The following PDE1C variants were observed in gnomAD, a reference collection of about 807,000 sequenced individuals.
PDE1C encodes the protein phosphodiesterase 1C.
In PDE1C, 62 loss-of-function variants were observed where a neutral mutation model predicts 93.1. The observed-to-expected ratio is 0.67, with a 90% confidence interval of 0.54 to 0.82. The LOEUF (loss-of-function observed/expected upper bound fraction) is 0.82, where lower values mean the gene tolerates loss of function less well. Ranked by LOEUF, PDE1C falls within the 40% of genes least tolerant of loss-of-function variation. The pLI, the probability that PDE1C is intolerant of heterozygous loss-of-function variation, is 0.00. For missense variants in PDE1C, 742 were observed against 884.6 expected (o/e 0.84, Z 2.04); for synonymous variants, 325 against 310.1 (o/e 1.05, Z -0.50).
chr7:32,395,493 G>A (rs902432152), intron 1 of PDE1C, among the ~76,000 whole-genome samples: 3 of 152,176 alleles, frequency 2.0e-5, no homozygotes, highest in Non-Finnish European at 2.9e-5. Context: ...GTGGTGAGGT[G>A]GGGGGTAGTG....
In PDE1C at chr7:31,776,586, A is replaced by G. The variant is rs551272788; in HGVS notation, c.1892-854T>C. 3.9e-5 allele frequency among the ~76,000 whole-genome samples: 6 copies of G among 152,300 alleles called. No homozygotes were observed. The East Asian group carries it at 1.2e-3, about 29-fold the overall frequency. ...AATTTTACATTTTTTGTATATATGTATGTGGGTGTGTACGTATATACATAC... is the reference window on the plus strand; with the variant it reads ...AATTTTACATTTTTTGTATATATGTGTGTGGGTGTGTACGTATATACATAC... On this transcript the variant is annotated intron_variant, in intron 16 of 17. Coordinates refer to ENST00000396191, the MANE Select transcript of PDE1C (RefSeq NM_001191057.4).
rs1266549685 is a variant in PDE1C, at chr7:32,070,220, G to T, written c.101+73C>A. ...CCATGCAGGAACAGGGTGAGCAGTC[G>T]TGACTGCGGCTGTGTGGTAAAATAA... On this transcript the variant is annotated intron_variant, in intron 1 of 17. Coordinates refer to ENST00000396191, the MANE Select transcript of PDE1C (RefSeq NM_001191057.4). The T allele has an allele frequency of 1.7e-5, 28 of 1,602,250 alleles. No individual in the cohort carries two copies. In the South Asian group the frequency reaches 3.2e-4, roughly 18 times the overall value.
At position 32,173,053 on chromosome 7, in the gene PDE1C, T is replaced by C. The variant is rs1802757685; in HGVS notation, c.137-3097A>G. Among the ~76,000 whole-genome samples the C allele has an allele frequency of 5.9e-5, 9 of 152,226 alleles. 1 individual carries two copies. The highest frequency in any genetic ancestry group is 5.9e-4 in the Admixed American group (9 of 15,284). Reference sequence around the variant, plus strand: ...TAAATCATTCTACTATATAGACACATGCACACATATGTTTATTGCAGCACT... The same window carrying C: ...TAAATCATTCTACTATATAGACACACGCACACATATGTTTATTGCAGCACT... On this transcript the variant is annotated intron_variant, in intron 2 of 18. Coordinates refer to the PDE1C transcript ENST00000396193.
intron 2 of PDE1C, among the ~76,000 whole-genome samples, chr7:32,182,184 G>C (rs1254514562): frequency 6.6e-6 from 1 of 152,168 alleles, no homozygotes; most frequent in Non-Finnish European, 1.5e-5. Flanking sequence ...AAAAATTCCA[G>C]GACCAGATGG....
intron 1 of PDE1C, among the ~76,000 whole-genome samples, chr7:32,255,172 T>C (rs1030544397): frequency 6.6e-6 from 1 of 152,104 alleles, no homozygotes; most frequent in African/African-American, 2.4e-5. Context: ...CTGACGTCAC[T>C]TTGCAAAGCT....
intron 1 of PDE1C, among the ~76,000 whole-genome samples, chr7:32,274,213 T>TC (rs778464415): frequency 2.6e-5 from 4 of 151,558 alleles, no homozygotes; most frequent in Non-Finnish European, 5.9e-5. Flanking sequence ...TTTTTAATTT[T>TC]TTTTTTTTTT....
At chr7:31,680,442 G>A in the PDE1C span, among the ~76,000 whole-genome samples, 107,733 of 152,070 alleles carry the variant, frequency 0.71, 38,524 homozygotes, top group East Asian at 0.82. Context: ...TCGGAGAAGA[G>A]GGACCTTTAT....
the PDE1C span, among the ~76,000 whole-genome samples, chr7:31,623,818 A>G: frequency 6.6e-6 from 1 of 152,192 alleles, no homozygotes; most frequent in East Asian, 1.9e-4. Flanking sequence ...TTAGGAAAAG[A>G]GCAAGTCAAA....
chr7:31,642,601 G>A, the PDE1C span: 1 of 1,289,798 alleles, frequency 7.8e-7, no homozygotes, highest in Non-Finnish European at 1.1e-6. Flanking sequence ...CTAAGGCAAT[G>A]ACAAGAAGAA....
chr7:31,632,820 G>T, the PDE1C span, among the ~76,000 whole-genome samples: 2 of 152,242 alleles, frequency 1.3e-5, no homozygotes, highest in Non-Finnish European at 1.5e-5. Context: ...AGCCTGAAAA[G>T]CCTGCCCTGT....
intron 1 of PDE1C, among the ~76,000 whole-genome samples, chr7:32,212,317 C>A (rs1352289717): frequency 1.3e-5 from 2 of 152,178 alleles, no homozygotes; most frequent in Admixed American, 1.3e-4. Context: ...TGCCCACCAC[C>A]CTATCCAAGG....
intron 7 of PDE1C, among the ~76,000 whole-genome samples, chr7:31,858,930 A>G (rs1386796996): frequency 1.3e-5 from 2 of 152,004 alleles, no homozygotes; most frequent in East Asian, 3.9e-4. Context: ...AAAAGTAAAA[A>G]CACACACATA....
chr7:31,616,789 T>TTTCA, the PDE1C span, among the ~76,000 whole-genome samples: 24,185 of 151,936 alleles, frequency 0.16, 2,376 homozygotes, highest in African/African-American at 0.27. Context: ...GGTTTCTAAA[T>TTTCA]TTCATTTTTT....
the PDE1C span, among the ~76,000 whole-genome samples, chr7:31,645,108 T>C: frequency 6.6e-6 from 1 of 152,216 alleles, no homozygotes; most frequent in Non-Finnish European, 1.5e-5. Context: ...TGCCTCCTAA[T>C]GACTAAGTGG....
At chr7:31,854,081 G>A (rs1793698534) in intron 7 of PDE1C, among the ~76,000 whole-genome samples, 1 of 151,980 alleles carries the variant, frequency 6.6e-6, no homozygotes, top group Non-Finnish European at 1.5e-5. Context: ...ACAGTGTGGA[G>A]GTAGAAGCCA....
chr7:31,691,816 A>C, the PDE1C span, among the ~76,000 whole-genome samples: 694 of 151,268 alleles, frequency 4.6e-3, 7 homozygotes, highest in African/African-American at 0.015. Flanking sequence ...AAAAAAAAAA[A>C]AAAAAACCAA....
chr7:32,149,844 T>C (rs1801130075), intron 3 of PDE1C, among the ~76,000 whole-genome samples: 1 of 152,182 alleles, frequency 6.6e-6, no homozygotes, highest in South Asian at 2.1e-4. Context: ...AAACTGTCTT[T>C]AAACAAACAG....
chr7:31,955,446 C>G (rs1306460907), intron 2 of PDE1C, among the ~76,000 whole-genome samples: 1 of 152,072 alleles, frequency 6.6e-6, no homozygotes, highest in Non-Finnish European at 1.5e-5. Context: ...ATGCTGAAAC[C>G]ATCAGTTAAA....
chr7:32,046,299 C>G (rs964041449), intron 2 of PDE1C, among the ~76,000 whole-genome samples: 2 of 151,908 alleles, frequency 1.3e-5, no homozygotes, highest in African/African-American at 4.8e-5. Context: ...AGGAAAGATT[C>G]TGGGCTATCC....
Sources: gnomAD v4.1 joint callset for allele counts (sites outside exome capture counted in the v4.1 genomes callset) on GRCh38, gnomAD v4.1.1 for gene constraint, MANE v1.5 for transcripts, NCBI Gene and HGNC (gene_info 2026-07-23, HGNC 2026-07-21) for gene names.